CLSTN2: variants seen among roughly 807,000 people sequenced by gnomAD.
CLSTN2 encodes calsyntenin-2.
A neutral mutation model predicts 101.2 loss-of-function variants in CLSTN2; 48 were observed. The observed-to-expected ratio is 0.47, with a 90% CI of 0.38 to 0.60. The LOEUF (loss-of-function observed/expected upper bound fraction) is 0.60. Ranked by LOEUF, CLSTN2 falls within the 20% of genes least tolerant of loss-of-function variation. CLSTN2 has a pLI of 0.00. For synonymous variants in CLSTN2, 481 were observed against 463.6 expected, an observed-to-expected ratio of 1.04 and a Z score of -0.48; for missense variants, 1,160 against 1,238.2, an observed-to-expected ratio of 0.94 and a Z score of 0.95.
At chr3:140,041,322 T>C (rs537792803) in intron 1 of CLSTN2, among the ~76,000 whole-genome samples, 1 of 152,238 alleles carries the variant, frequency 6.6e-6, no homozygotes, top group East Asian at 1.9e-4. Context: ...ATTTGGTGCA[T>C]GTGCGAAGGT....
intron 1 of CLSTN2, among the ~76,000 whole-genome samples, chr3:140,006,696 G>C (rs184818814): frequency 7.6e-4 from 116 of 152,092 alleles, no homozygotes; most frequent in African/African-American, 2.7e-3. Flanking sequence ...TTTACTTTTG[G>C]TGCCTCAGTT....
intron 2 of CLSTN2, among the ~76,000 whole-genome samples, chr3:140,355,655 C>A (rs1258853678): frequency 6.6e-6 from 1 of 152,132 alleles, no homozygotes; most frequent in Non-Finnish European, 1.5e-5. Flanking sequence ...ATTTGAAAGG[C>A]AATCTGGCTG....
intron 1 of CLSTN2, among the ~76,000 whole-genome samples, chr3:139,970,426 G>T (rs1255324344): frequency 6.6e-6 from 1 of 152,160 alleles, no homozygotes; most frequent in African/African-American, 2.4e-5. Flanking sequence ...CAGAGGAGGT[G>T]CTCAAAGCCT....
chr3:140,447,160 G>T (rs898624163), intron 5 of CLSTN2, among the ~76,000 whole-genome samples: 3 of 152,218 alleles, frequency 2.0e-5, no homozygotes, highest in Admixed American at 6.5e-5. Flanking sequence ...CATGGGTGAG[G>T]TCAGGCAACT....
intron 1 of CLSTN2, among the ~76,000 whole-genome samples, chr3:140,171,297 G>T (rs1244979155): frequency 1.3e-5 from 2 of 152,160 alleles, no homozygotes; most frequent in East Asian, 3.9e-4. Flanking sequence ...TCTGCCCTGG[G>T]CATGGTCCAA....
chr3:140,102,959 C>A (rs2008993497), intron 1 of CLSTN2, among the ~76,000 whole-genome samples: 1 of 152,122 alleles, frequency 6.6e-6, no homozygotes, highest in Admixed American at 6.5e-5. Flanking sequence ...AGTTTTCTTA[C>A]CTTTCAAATA....
Position 140,190,741 on chromosome 3 carries a change from A to G in CLSTN2, c.232+14668A>G, listed in dbSNP as rs1002256755. Among the ~76,000 whole-genome samples the G allele has an allele frequency of 3.3e-5, 5 of 152,216 alleles. No homozygotes were observed. The South Asian group carries it at 8.3e-4, about 25-fold the overall frequency. ...TATTACTGCTGACATATAGACATAC[A>G]ATTTTTTTTATGTGTATGGTGCTAT... On this transcript the variant is annotated intron_variant, in intron 2 of 16. Transcript: ENST00000458420.
chr3:140,320,940 G>C (rs1015359274), intron 2 of CLSTN2, among the ~76,000 whole-genome samples: 1 of 152,150 alleles, frequency 6.6e-6, no homozygotes, highest in Admixed American at 6.5e-5. Context: ...AGAGGGGACA[G>C]CAAATAAGAC....
At chr3:139,957,913 G>A (rs1338243137) in intron 1 of CLSTN2, among the ~76,000 whole-genome samples, 1 of 152,176 alleles carries the variant, frequency 6.6e-6, no homozygotes, top group Non-Finnish European at 1.5e-5. Context: ...GAATCGCCGG[G>A]CGATCCCCTG....
At chr3:140,005,383 C>T (rs547098665) in intron 1 of CLSTN2, among the ~76,000 whole-genome samples, 2 of 152,312 alleles carry the variant, frequency 1.3e-5, no homozygotes, top group South Asian at 4.1e-4. Context: ...ATGACCTTGG[C>T]TTTATTCCCT....
chr3:140,401,458 A>G (rs1329590471), intron 2 of CLSTN2, among the ~76,000 whole-genome samples: 1 of 152,228 alleles, frequency 6.6e-6, no homozygotes, highest in Non-Finnish European at 1.5e-5. Flanking sequence ...GTAGATGGAA[A>G]TATGTCACCT....
At chr3:140,451,502 T>C (rs905402824) in intron 6 of CLSTN2, among the ~76,000 whole-genome samples, 1 of 152,186 alleles carries the variant, frequency 6.6e-6, no homozygotes, top group African/African-American at 2.4e-5. Context: ...ATGGTAATCC[T>C]GTCCCAATAA....
chr3:140,438,292 T>C (rs1215197259), intron 5 of CLSTN2, among the ~76,000 whole-genome samples: 1 of 148,268 alleles, frequency 6.7e-6, no homozygotes, highest in Non-Finnish European at 1.5e-5. Context: ...GAATAGAGGG[T>C]ATCAGTGTAT....
At chr3:140,360,550 G>A (rs2087719359) in intron 2 of CLSTN2, among the ~76,000 whole-genome samples, 1 of 152,156 alleles carries the variant, frequency 6.6e-6, no homozygotes, top group Non-Finnish European at 1.5e-5. Context: ...TAAGTAATGA[G>A]AACGTGCTGT....
chr3:140,223,577 C>T (rs187151132), intron 2 of CLSTN2, among the ~76,000 whole-genome samples: 2 of 152,166 alleles, frequency 1.3e-5, no homozygotes, highest in African/African-American at 4.8e-5. Context: ...CATTCATTTT[C>T]CTAGGCAGTT....
intron 5 of CLSTN2, among the ~76,000 whole-genome samples, chr3:140,434,515 C>A (rs2088668235): frequency 6.6e-6 from 1 of 152,174 alleles, no homozygotes; most frequent in South Asian, 2.1e-4. Flanking sequence ...CACTGACAAG[C>A]AAAGCCTAGG....
chr3:140,540,334 C>T (rs534517057), intron 9 of CLSTN2, among the ~76,000 whole-genome samples: 12 of 152,234 alleles, frequency 7.9e-5, no homozygotes, highest in South Asian at 4.2e-4. Context: ...CATGGCCAGC[C>T]GTGATGACAG....
In CLSTN2 at chr3:140,310,992, T is replaced by C. The variant is rs140335997; in HGVS notation, c.233-92637T>C. On this transcript the variant is annotated intron_variant, in intron 2 of 16. Transcript: ENST00000458420. Reference sequence around the variant, plus strand: ...AGCATCCCAGGCCGAAGGAACGGCCTGTGTAAAGGGCCTATGGAGGAAGGG... The same window carrying C: ...AGCATCCCAGGCCGAAGGAACGGCCCGTGTAAAGGGCCTATGGAGGAAGGG... Among the ~76,000 whole-genome samples the C allele has an allele frequency of 3.3e-3, 507 of 152,216 alleles. 1 individual carries two copies. The highest frequency in any genetic ancestry group is 0.012 in the African/African-American group (485 of 41,520).
intron 1 of CLSTN2, among the ~76,000 whole-genome samples, chr3:139,978,401 C>T (rs557724789): frequency 2.6e-5 from 4 of 152,090 alleles, no homozygotes; most frequent in South Asian, 2.1e-4. Context: ...CAAGTTTGGA[C>T]GTTTAGGTTT....
Sources: allele counts gnomAD v4.1 joint callset (sites outside exome capture counted in the v4.1 genomes callset), GRCh38; gene constraint gnomAD v4.1.1; transcripts MANE v1.5; gene names NCBI Gene and HGNC (gene_info 2026-07-23, HGNC 2026-07-21).